SGCZ: variants seen among roughly 807,000 people sequenced by gnomAD.
SGCZ encodes the protein zeta-sarcoglycan.
A neutral mutation model predicts 41.3 loss-of-function variants in SGCZ; 40 were observed. That is an observed-to-expected ratio of 0.97 (90% CI 0.75 to 1.26). The LOEUF (loss-of-function observed/expected upper bound fraction) is 1.26. SGCZ is among the 50% of genes most tolerant of loss of function. The probability of loss-of-function intolerance (pLI) is 0.00; values close to 1 mark genes in which losing one functional copy is unlikely to be tolerated. For synonymous variants in SGCZ, 206 were observed against 137.5 expected, an observed-to-expected ratio of 1.50 and a Z score of -3.49; for missense variants, 552 against 369.8, an observed-to-expected ratio of 1.49 and a Z score of -4.04.
intron 1 of SGCZ, among the ~76,000 whole-genome samples, chr8:15,104,298 G>A (rs1209296075): frequency 6.6e-6 from 1 of 152,076 alleles, no homozygotes; most frequent in Middle Eastern, 3.2e-3. Flanking sequence ...GACAATTGAG[G>A]GTGGAATTTT....
chr8:14,399,075 C>G (rs1318727305), intron 2 of SGCZ, among the ~76,000 whole-genome samples: 2 of 151,996 alleles, frequency 1.3e-5, no homozygotes, highest in Non-Finnish European at 2.9e-5. Context: ...GTTCAGAAAC[C>G]AAACGTGATC....
chr8:14,398,401 G>A (rs73664344), intron 2 of SGCZ, among the ~76,000 whole-genome samples: 6,843 of 152,164 alleles, frequency 0.045, 497 homozygotes, highest in African/African-American at 0.15. Flanking sequence ...TGTGAACTCC[G>A]TAAGGTTCTT....
chr8:14,590,615 T>A (rs1805209366), intron 1 of SGCZ, among the ~76,000 whole-genome samples: 1 of 150,466 alleles, frequency 6.6e-6, no homozygotes, highest in East Asian at 1.9e-4. Context: ...TTTATAACAA[T>A]GAAACAACAA....
chr8:14,621,182 A>ATTCTCAG (rs1412058012), intron 1 of SGCZ, among the ~76,000 whole-genome samples: 2 of 151,276 alleles, frequency 1.3e-5, no homozygotes, highest in Non-Finnish European at 2.9e-5. Context: ...GCAAACTATC[A>ATTCTCAG]CAAGGACAAA....
intron 2 of SGCZ, among the ~76,000 whole-genome samples, chr8:14,350,316 G>A (rs1803042832): frequency 6.6e-6 from 1 of 151,730 alleles, no homozygotes; most frequent in South Asian, 2.1e-4. Flanking sequence ...TTTGTGATGG[G>A]AACAGGTCAT....
chr8:14,797,837 G>A (rs570296889), intron 1 of SGCZ, among the ~76,000 whole-genome samples: 58 of 152,286 alleles, frequency 3.8e-4, no homozygotes, highest in Admixed American at 3.5e-3. Context: ...GGCTTAAAGG[G>A]GCCAAGGTAA....
intron 2 of SGCZ, among the ~76,000 whole-genome samples, chr8:14,360,175 G>A (rs1002179274): frequency 4.6e-5 from 7 of 151,996 alleles, no homozygotes; most frequent in Non-Finnish European, 7.4e-5. Flanking sequence ...GGAAAAAACT[G>A]GAAGCCCTGC....
chr8:14,956,396 A>C (rs963364222), intron 1 of SGCZ, among the ~76,000 whole-genome samples: 6 of 152,104 alleles, frequency 3.9e-5, no homozygotes, highest in Non-Finnish European at 7.4e-5. Flanking sequence ...TTCCCTTCCC[A>C]ATAATCTGCA....
intron 1 of SGCZ, among the ~76,000 whole-genome samples, chr8:15,171,678 A>G (rs1164629225): frequency 6.6e-6 from 1 of 152,238 alleles, no homozygotes; most frequent in Non-Finnish European, 1.5e-5. Flanking sequence ...TAATCTTATT[A>G]GCATGTGAGC....
chr8:14,451,971 C>A (rs1178169898), intron 2 of SGCZ, among the ~76,000 whole-genome samples: 2 of 152,200 alleles, frequency 1.3e-5, no homozygotes, highest in Non-Finnish European at 2.9e-5. Flanking sequence ...AGCAATCATA[C>A]TCCTTGTTAT....
chr8:14,507,381 C>G (rs914066181), intron 2 of SGCZ, among the ~76,000 whole-genome samples: 1 of 152,102 alleles, frequency 6.6e-6, no homozygotes, highest in Non-Finnish European at 1.5e-5. Context: ...CTAATACATC[C>G]CTTTTCTTTC....
chr8:15,053,733 A>G (rs1448761266), intron 1 of SGCZ, among the ~76,000 whole-genome samples: 1 of 152,194 alleles, frequency 6.6e-6, no homozygotes, highest in African/African-American at 2.4e-5. Flanking sequence ...GTGCTGACAC[A>G]TAGGTTTCTC....
chr8:14,717,396 A>C (rs1037927837), intron 1 of SGCZ, among the ~76,000 whole-genome samples: 1 of 152,156 alleles, frequency 6.6e-6, no homozygotes, highest in African/African-American at 2.4e-5. Flanking sequence ...AATATGCTTA[A>C]AATCAACATT....
At chr8:14,243,231 G>C (rs1798953758) in intron 3 of SGCZ, among the ~76,000 whole-genome samples, 1 of 152,162 alleles carries the variant, frequency 6.6e-6, no homozygotes, top group African/African-American at 2.4e-5. Context: ...ACCGAAGTTT[G>C]TATAGTTTAC....
At chr8:14,612,095 G>A (rs1359578869) in intron 1 of SGCZ, among the ~76,000 whole-genome samples, 1 of 152,152 alleles carries the variant, frequency 6.6e-6, no homozygotes, top group Admixed American at 6.5e-5. Context: ...GAAAACGTAT[G>A]TCTTTCTATG....
intron 1 of SGCZ, among the ~76,000 whole-genome samples, chr8:14,918,704 T>G (rs1799508133): frequency 6.6e-6 from 1 of 152,218 alleles, no homozygotes; most frequent in African/African-American, 2.4e-5. Flanking sequence ...TTACTATGTT[T>G]GGGGAAGTCT....
At chr8:14,112,165 C>T (rs547773808) in intron 5 of SGCZ, among the ~76,000 whole-genome samples, 1 of 151,388 alleles carries the variant, frequency 6.6e-6, no homozygotes, top group South Asian at 2.1e-4. Flanking sequence ...GAAAGTCAGG[C>T]AGGAAATTAT....
At chr8:14,328,286 C>T (rs1802194395) in intron 2 of SGCZ, among the ~76,000 whole-genome samples, 1 of 152,080 alleles carries the variant, frequency 6.6e-6, no homozygotes, top group South Asian at 2.1e-4. Flanking sequence ...TTTCCTGATC[C>T]CTTCATTATC....
At chr8:14,177,146 G>A (rs749971156) in intron 4 of SGCZ, among the ~76,000 whole-genome samples, 18 of 152,102 alleles carry the variant, frequency 1.2e-4, no homozygotes, top group Non-Finnish European at 2.4e-4. Context: ...GAGTTGCCTC[G>A]CTGCTTGACT....
Sources: gnomAD v4.1 joint callset for allele counts (sites outside exome capture counted in the v4.1 genomes callset) on GRCh38, gnomAD v4.1.1 for gene constraint, MANE v1.5 for transcripts, NCBI Gene and HGNC (gene_info 2026-07-23, HGNC 2026-07-21) for gene names.